The following ATF2 variants were observed in gnomAD, a reference collection of about 807,000 sequenced individuals.
ATF2 encodes the protein activating transcription factor 2.
A neutral mutation model predicts 60.6 loss-of-function variants in ATF2; 24 were observed. The ratio of observed to expected loss-of-function variants is 0.40; its 90% confidence interval spans 0.29 to 0.56. ATF2 has a LOEUF of 0.56. Ranked by LOEUF, ATF2 falls within the 20% of genes least tolerant of loss-of-function variation. ATF2 has a pLI of 0.54. For missense variants in ATF2, 433 were observed against 607.7 expected, an observed-to-expected ratio of 0.71 and a Z score of 3.02; for synonymous variants, 206 against 215.4, an observed-to-expected ratio of 0.96 and a Z score of 0.38.
At chr2:175,141,333 C>T (rs1698520079) in intron 2 of ATF2, among the ~76,000 whole-genome samples, 1 of 151,658 alleles carries the variant, frequency 6.6e-6, no homozygotes, top group South Asian at 2.1e-4. Flanking sequence ...TTTGAAATGG[C>T]AACTTTCTCT....
chr2:175,123,242 T>C (rs1211056414), intron 4 of ATF2, among the ~76,000 whole-genome samples: 3 of 152,078 alleles, frequency 2.0e-5, no homozygotes, highest in African/African-American at 7.2e-5. Flanking sequence ...AAAACGAACA[T>C]ATCTGCAGAG....
At chr2:175,104,931 C>T (rs1448139037) in intron 10 of ATF2, among the ~76,000 whole-genome samples, 1 of 152,004 alleles carries the variant, frequency 6.6e-6, no homozygotes, top group Non-Finnish European at 1.5e-5. Context: ...TTGTTAAGTG[C>T]TGAGATAATG....
At chr2:175,108,794 T>G (rs200801513) in intron 10 of ATF2, among the ~76,000 whole-genome samples, 1 of 144,366 alleles carries the variant, frequency 6.9e-6, no homozygotes, top group Non-Finnish European at 1.5e-5. Context: ...GTGTAGAAAG[T>G]AGACATGGGA....
At chr2:175,080,569 A>G (rs2105537360) in intron 13 of ATF2, 91 bp downstream of exon 13, 1 of 917,230 alleles carries the variant, frequency 1.1e-6, no homozygotes, top group Non-Finnish European at 1.7e-6. Context: ...TATTAGAAGC[A>G]CAGTCTCCAT....
Position 175,114,754 on chromosome 2 carries a change from C to T in ATF2, c.562G>A (p.Ala188Thr), listed in dbSNP as rs751413115. 5 of 1,613,964 alleles carry T rather than the reference C, an allele frequency of 3.1e-6. No individual in the cohort carries two copies. Among genetic ancestry groups the T allele is most frequent in the Non-Finnish European group, 2.5e-6 (3 of 1,179,902 alleles). Residue 188 changes from alanine (A) to threonine (T), a missense_variant, in exon 8 of 14, where the codon GCA (alanine) becomes ACA (threonine). Around this residue, in one of 5 missense-constraint regions of ATF2, gnomAD observed 246 missense variants for 309.3 expected, o/e 0.80. Transcript: ENST00000264110. ...SSDSSVIIQQ[A>T]VPSPTSSTVI... is the part of the protein sequence containing the mutation. ...GTACTTGAGGTTGGTGAAGGTACTG[C>T]CTGCTGAATAATTACACTTGAGTCA...
In ATF2 at chr2:175,104,943, G is replaced by A. The variant is rs1574374208; in HGVS notation, c.828+6625C>T. 2.0e-5 allele frequency among the ~76,000 whole-genome samples: 3 copies of A among 152,190 alleles called. No homozygotes were observed. In the East Asian group the frequency reaches 5.8e-4, roughly 29 times the overall value. ...TAGTTGTTAAGTGCTGAGATAATGG[G>A]CCTGTGATTTTAGTTGTAAGTGCTG... On this transcript the variant is annotated intron_variant, in intron 10 of 13. Coordinates refer to ENST00000264110, the MANE Select transcript of ATF2 (RefSeq NM_001880.4).
intron 1 of ATF2, among the ~76,000 whole-genome samples, chr2:175,159,908 G>T (rs1699911755): frequency 6.6e-6 from 1 of 152,102 alleles, no homozygotes; most frequent in African/African-American, 2.4e-5. Flanking sequence ...CATTATTTTT[G>T]CCCAAGGTAG....
intron 2 of ATF2, among the ~76,000 whole-genome samples, chr2:175,145,175 C>A (rs1022173778): frequency 6.6e-6 from 1 of 152,012 alleles, no homozygotes. Flanking sequence ...GGCCTGGGAA[C>A]ACTGAAACCC....
At chr2:175,154,777 G>T (rs529477320) in intron 1 of ATF2, among the ~76,000 whole-genome samples, 55 of 152,296 alleles carry the variant, frequency 3.6e-4, no homozygotes, top group South Asian at 1.0e-3. Context: ...GCTATATTTG[G>T]ATATCACTAA....
chr2:175,082,731 T>C (rs1357829810), intron 12 of ATF2, among the ~76,000 whole-genome samples: 4 of 152,206 alleles, frequency 2.6e-5, no homozygotes, highest in Non-Finnish European at 5.9e-5. Context: ...CACATTAGTT[T>C]GAACCATATG....
At chr2:175,091,633 C>T (rs1052165535) in intron 12 of ATF2, among the ~76,000 whole-genome samples, 2 of 152,002 alleles carry the variant, frequency 1.3e-5, no homozygotes, top group African/African-American at 4.8e-5. Context: ...GAGGCTGAGG[C>T]GGGTGGATCA....
chr2:175,080,628 C>A (rs1479383100), intron 13 of ATF2, 32 bp downstream of exon 13: 1 of 1,560,924 alleles, frequency 6.4e-7, no homozygotes, highest in African/African-American at 1.4e-5. Context: ...ACTGACGTAG[C>A]CTAAGGCTAT....
intron 11 of ATF2, 115 bp from the exon 12 acceptor site, chr2:175,093,382 A>G (rs963203376): frequency 2.0e-6 from 2 of 1,000,456 alleles, no homozygotes; most frequent in African/African-American, 3.3e-5. Flanking sequence ...CTTGTTGAAT[A>G]CATCAGTATG....
At chr2:175,114,667 A>T (rs186729609) in intron 8 of ATF2, 23 bp downstream of exon 8, 1 of 1,603,134 alleles carries the variant, frequency 6.2e-7, no homozygotes, top group African/African-American at 1.3e-5. Context: ...GTATATGTTC[A>T]ATGATTGGCC....
intron 10 of ATF2, among the ~76,000 whole-genome samples, chr2:175,109,172 A>T (rs964253187): frequency 5.0e-5 from 7 of 138,794 alleles, no homozygotes; most frequent in African/African-American, 2.2e-4. Context: ...GATCAATAAA[A>T]AAAAAAAAAA....
chr2:175,167,839 C>T, intron 1 of ATF2: 1 of 415,382 alleles, frequency 2.4e-6, no homozygotes, highest in Non-Finnish European at 5.2e-6. Flanking sequence ...CCGGCCCAGC[C>T]AGTCAGGTTC....
chr2:175,078,014 C>A (rs891346244), intron 13 of ATF2, among the ~76,000 whole-genome samples: 3 of 152,212 alleles, frequency 2.0e-5, no homozygotes, highest in African/African-American at 7.2e-5. Flanking sequence ...GTCGCCCAGG[C>A]TGGAGTGCTA....
At chr2:175,140,121 G>C (rs988337557) in intron 2 of ATF2, among the ~76,000 whole-genome samples, 7 of 152,092 alleles carry the variant, frequency 4.6e-5, no homozygotes, top group African/African-American at 1.7e-4. Flanking sequence ...AGCAGTCACT[G>C]CACAGATACA....
intron 1 of ATF2, among the ~76,000 whole-genome samples, chr2:175,160,221 C>CA (rs903413971): frequency 6.6e-6 from 1 of 151,990 alleles, no homozygotes. Flanking sequence ...TCCATCTCTA[C>CA]AAAAAATTAA....
Sources: gnomAD v4.1 joint callset for allele counts (sites outside exome capture counted in the v4.1 genomes callset) on GRCh38, gnomAD v4.1.1 for gene constraint, gnomAD v4.1.1 regional missense constraint, MANE v1.5 for transcripts, NCBI Gene and HGNC (gene_info 2026-07-23, HGNC 2026-07-21) for gene names.